The following GRIN2B variants were observed in gnomAD, a reference collection of about 807,000 sequenced individuals.
The protein encoded by GRIN2B is glutamate ionotropic receptor NMDA type subunit 2B, also known as glutamate receptor ionotropic, NMDA 2B.
In GRIN2B, 5 loss-of-function variants were observed where a neutral mutation model predicts 114.5. The observed-to-expected ratio is 0.04, with a 90% CI of 0.02 to 0.09. The LOEUF is 0.09. Ranked by LOEUF, GRIN2B falls within the 10% of genes least tolerant of loss-of-function variation. The pLI is 1.00. For missense variants in GRIN2B, 1,108 were observed against 1,943.5 expected, an observed-to-expected ratio of 0.57 and a Z score of 8.08; for synonymous variants, 787 against 745.1, an observed-to-expected ratio of 1.06 and a Z score of -0.92.
intron 2 of GRIN2B, among the ~76,000 whole-genome samples, chr12:13,934,022 G>T (rs1228746419): frequency 1.3e-5 from 2 of 152,118 alleles, no homozygotes; most frequent in Non-Finnish European, 2.9e-5. Flanking sequence ...CACTTGAGGA[G>T]ACTATATGCA....
At chr12:13,928,181 C>T (rs1303064041) in intron 2 of GRIN2B, among the ~76,000 whole-genome samples, 4 of 151,372 alleles carry the variant, frequency 2.6e-5, no homozygotes, top group Non-Finnish European at 5.9e-5. Context: ...CGTGGTGGCA[C>T]GCACCTGCAA....
chr12:13,752,793 C>T (rs531077293), intron 4 of GRIN2B, among the ~76,000 whole-genome samples: 14 of 152,312 alleles, frequency 9.2e-5, no homozygotes, highest in African/African-American at 2.9e-4. Context: ...ATCCTTCATA[C>T]GACTACAGAT....
chr12:13,572,009 A>G (rs1024840), intron 10 of GRIN2B, 45 bp from the exon 11 acceptor site: 1 of 1,332,978 alleles, frequency 7.5e-7, no homozygotes, highest in East Asian at 2.4e-5. Flanking sequence ...AGATGGAGGG[A>G]GAGAGAGAGA....
chr12:13,952,453 C>T (rs1867501022), intron 2 of GRIN2B, among the ~76,000 whole-genome samples: 1 of 152,194 alleles, frequency 6.6e-6, no homozygotes, highest in Non-Finnish European at 1.5e-5. Context: ...AAGCCTAATA[C>T]TGCTTCAGGA....
intron 3 of GRIN2B, among the ~76,000 whole-genome samples, chr12:13,761,805 T>G (rs1863684987): frequency 6.6e-6 from 1 of 151,850 alleles, no homozygotes. Flanking sequence ...GGCAGGAAAA[T>G]AGGAAAGGTT....
chr12:13,580,326 A>C (rs1369323206), intron 10 of GRIN2B, among the ~76,000 whole-genome samples: 1 of 152,230 alleles, frequency 6.6e-6, no homozygotes, highest in Admixed American at 6.5e-5. Context: ...TCCAATCAGC[A>C]TATGCAGATT....
rs1452790483 is a variant in GRIN2B at position 13,980,307 on chromosome 12, G to T, written c.-398C>A. ...GAGGCTCTGTGTGGAGAAGCTGGGG[G>T]CCGGCTCCGTCCCTCGGTGGAGCAT... On this transcript the variant is annotated 5_prime_UTR_variant, in exon 2 of 14. Coordinates refer to ENST00000609686, the MANE Select transcript of GRIN2B (RefSeq NM_000834.5). 2 of 152,102 alleles carry T rather than the reference G, an allele frequency of 1.3e-5. No individual in the cohort carries two copies. Among genetic ancestry groups the T allele is most frequent in the Non-Finnish European group, 2.9e-5 (2 of 68,042 alleles). 9.4% of individuals were successfully genotyped at this position (152,102 alleles called of 1,614,324 possible).
chr12:13,924,445 G>C (rs1227380568), intron 2 of GRIN2B, among the ~76,000 whole-genome samples: 1 of 152,158 alleles, frequency 6.6e-6, no homozygotes, highest in South Asian at 2.1e-4. Flanking sequence ...AACCCAGCAG[G>C]AGCTGGACGT....
At chr12:13,810,849 C>T (rs189285992) in intron 3 of GRIN2B, among the ~76,000 whole-genome samples, 5 of 152,332 alleles carry the variant, frequency 3.3e-5, no homozygotes, top group African/African-American at 9.6e-5. Context: ...GCCAGTCACT[C>T]GTACTGTATC....
At chr12:13,694,697 AT>A (rs1950245432) in intron 4 of GRIN2B, among the ~76,000 whole-genome samples, 14 of 130,494 alleles carry the variant, frequency 1.1e-4, no homozygotes, top group East Asian at 2.2e-4. Flanking sequence ...ATATATATAT[AT>A]ATATAAATTA....
intron 2 of GRIN2B, among the ~76,000 whole-genome samples, chr12:13,932,982 T>TGTGTGTGC (rs1555158839): frequency 1.3e-4 from 16 of 120,316 alleles, no homozygotes; most frequent in African/African-American, 4.8e-4. Flanking sequence ...TGTGTGTGTG[T>TGTGTGTGC]GTGTGCGTGT....
chr12:13,803,237 T>C (rs934407937), intron 3 of GRIN2B, among the ~76,000 whole-genome samples: 4 of 152,158 alleles, frequency 2.6e-5, no homozygotes, highest in African/African-American at 9.7e-5. Flanking sequence ...AGTAGGCTGT[T>C]AGTAGTTAAG....
intron 10 of GRIN2B, among the ~76,000 whole-genome samples, chr12:13,599,219 C>A (rs755243499): frequency 1.3e-5 from 2 of 152,266 alleles, no homozygotes; most frequent in African/African-American, 4.8e-5. Flanking sequence ...GATGTGGAAT[C>A]GTAAACTAAA....
intron 3 of GRIN2B, among the ~76,000 whole-genome samples, chr12:13,823,531 A>G (rs1275978076): frequency 6.6e-6 from 1 of 152,054 alleles, no homozygotes; most frequent in African/African-American, 2.4e-5. Context: ...ATCTTCCTAA[A>G]TTCATCTAAG....
intron 3 of GRIN2B, among the ~76,000 whole-genome samples, chr12:13,815,248 C>T (rs1385941765): frequency 6.6e-6 from 1 of 151,988 alleles, no homozygotes; most frequent in African/African-American, 2.4e-5. Flanking sequence ...GACATTTGCG[C>T]AATACTCAGG....
intron 2 of GRIN2B, among the ~76,000 whole-genome samples, chr12:13,930,311 A>G (rs1159397450): frequency 1.3e-5 from 2 of 152,182 alleles, no homozygotes; most frequent in Non-Finnish European, 2.9e-5. Context: ...AATACATGGG[A>G]TCTTGATTTC....
chr12:13,789,133 C>G (rs1302352892), intron 3 of GRIN2B, among the ~76,000 whole-genome samples: 1 of 152,016 alleles, frequency 6.6e-6, no homozygotes, highest in Non-Finnish European at 1.5e-5. Context: ...GTTTTTAAAA[C>G]AGTCAAATCA....
intron 3 of GRIN2B, among the ~76,000 whole-genome samples, chr12:13,834,988 A>G (rs757826586): frequency 1.4e-4 from 21 of 152,230 alleles, no homozygotes; most frequent in Non-Finnish European, 2.6e-4. Context: ...AGTGTGGGCC[A>G]AGGAGCCTTC....
At chr12:13,921,274 T>C (rs1182073181) in intron 2 of GRIN2B, among the ~76,000 whole-genome samples, 2 of 152,074 alleles carry the variant, frequency 1.3e-5, no homozygotes, top group Non-Finnish European at 2.9e-5. Flanking sequence ...GGTGCAGACC[T>C]GTAGTCCCAG....
Sources: gnomAD v4.1 joint callset for allele counts (sites outside exome capture counted in the v4.1 genomes callset) on GRCh38, gnomAD v4.1.1 for gene constraint, MANE v1.5 for transcripts, NCBI Gene and HGNC (gene_info 2026-07-23, HGNC 2026-07-21) for gene names.